The following SULT1C3 variants were observed in gnomAD, a reference collection of about 807,000 sequenced individuals.
SULT1C3 encodes sulfotransferase 1C3.
Under a neutral mutation model 28.4 loss-of-function variants are expected in SULT1C3, and 31 were observed. That is an observed-to-expected ratio of 1.09 (90% CI 0.82 to 1.47). SULT1C3 has a LOEUF of 1.47. Among genes scored for constraint, SULT1C3 ranks in the 40% most tolerant of loss-of-function variants. SULT1C3 has a pLI of 0.00. For synonymous variants in SULT1C3, 106 were observed against 92.2 expected (o/e 1.15, Z -0.86); for missense variants, 307 against 272.5 (o/e 1.13, Z -0.89).
intron 7 of SULT1C3, among the ~76,000 whole-genome samples, chr2:108,260,228 G>A (rs182482386): frequency 6.6e-6 from 1 of 152,222 alleles, no homozygotes; most frequent in Non-Finnish European, 1.5e-5. Flanking sequence ...AAGATAGGCT[G>A]TCCCCCAGGA....
chr2:108,251,562 G>A (rs552398516), intron 2 of SULT1C3, among the ~76,000 whole-genome samples: 2 of 152,056 alleles, frequency 1.3e-5, no homozygotes, highest in East Asian at 3.9e-4. Context: ...AAAAATGTTC[G>A]CTAGAACCTA....
At chr2:108,249,872 T>C (rs1032251911) in intron 2 of SULT1C3, among the ~76,000 whole-genome samples, 1 of 152,040 alleles carries the variant, frequency 6.6e-6, no homozygotes, top group African/African-American at 2.4e-5. Flanking sequence ...GTTGATATTG[T>C]TGATAGACAT....
chr2:108,253,526 T>C, intron 4 of SULT1C3, 84 bp downstream of exon 4: 1 of 675,322 alleles, frequency 1.5e-6, no homozygotes, highest in Non-Finnish European at 2.2e-6. Context: ...ATAATATACT[T>C]TGAAAAATAT....
chr2:108,254,344 A>G (rs1382071371), intron 4 of SULT1C3, among the ~76,000 whole-genome samples: 5 of 151,960 alleles, frequency 3.3e-5, no homozygotes, highest in Non-Finnish European at 7.4e-5. Context: ...CTTTACTTGC[A>G]TAATTCCTAC....
chr2:108,248,297 C>A (rs1433521376), intron 2 of SULT1C3, among the ~76,000 whole-genome samples: 1 of 152,012 alleles, frequency 6.6e-6, no homozygotes, highest in South Asian at 2.1e-4. Flanking sequence ...GCCGAAGGGA[C>A]AAGATTGGAT....
chr2:108,254,753 G>GTATGTATGCATATA (rs1558664871), intron 4 of SULT1C3, among the ~76,000 whole-genome samples: 4 of 126,456 alleles, frequency 3.2e-5, no homozygotes, highest in African/African-American at 1.3e-4. Context: ...GCATACATAT[G>GTATGTATGCATATA]TATGTATATA....
At chr2:108,265,049 G>A, downstream of SULT1C3, 1 of 1,552,274 alleles carries the variant, frequency 6.4e-7, no homozygotes, top group Non-Finnish European at 8.7e-7. Context: ...GAACTCTGTG[G>A]TCCCCATGGT....
At chr2:108,265,030 T>A, downstream of SULT1C3, 1 of 1,585,472 alleles carries the variant, frequency 6.3e-7, no homozygotes, top group Non-Finnish European at 8.6e-7. Flanking sequence ...TAGTCTAAGA[T>A]GTCAAATGGA....
chr2:108,247,422 A>G, intron 2 of SULT1C3, 56 bp downstream of exon 2: 1 of 1,394,926 alleles, frequency 7.2e-7, no homozygotes, highest in Non-Finnish European at 9.6e-7. Context: ...TTATTGCATA[A>G]TCTGTATTGA....
chr2:108,247,628 T>G (rs1225837628), intron 2 of SULT1C3, among the ~76,000 whole-genome samples: 1 of 152,156 alleles, frequency 6.6e-6, no homozygotes, highest in East Asian at 1.9e-4. Context: ...ACCCATAGCA[T>G]ACATCAAATA....
At chr2:108,251,163 G>A (rs1675717309) in intron 2 of SULT1C3, among the ~76,000 whole-genome samples, 1 of 151,970 alleles carries the variant, frequency 6.6e-6, no homozygotes, top group Admixed American at 6.6e-5. Flanking sequence ...TTAAGAGAAA[G>A]AATTTAGAGG....
intron 2 of SULT1C3, among the ~76,000 whole-genome samples, chr2:108,247,683 C>T (rs1268328304): frequency 6.6e-6 from 1 of 152,100 alleles, no homozygotes; most frequent in Non-Finnish European, 1.5e-5. Flanking sequence ...TAAACATCAA[C>T]CCTCAAGACA....
chr2:108,250,607 A>G (rs1359503484), intron 2 of SULT1C3, among the ~76,000 whole-genome samples: 1 of 151,678 alleles, frequency 6.6e-6, no homozygotes, highest in Non-Finnish European at 1.5e-5. Context: ...ACACAACACT[A>G]TAGCAGACTT....
downstream of SULT1C3, among the ~76,000 whole-genome samples, chr2:108,262,796 C>T (rs1048992730): frequency 3.3e-5 from 5 of 152,118 alleles, no homozygotes; most frequent in African/African-American, 9.7e-5. Context: ...AACTGAGGGT[C>T]GGGCTGCTAT....
At chr2:108,265,135 A>G, downstream of SULT1C3, 1 of 1,445,992 alleles carries the variant, frequency 6.9e-7, no homozygotes, top group South Asian at 1.3e-5. Context: ...AACCTTTGAG[A>G]GGCAAGTTGC....
chr2:108,250,367 T>C (rs2104386390), intron 2 of SULT1C3, among the ~76,000 whole-genome samples: 1 of 152,072 alleles, frequency 6.6e-6, no homozygotes, highest in East Asian at 1.9e-4. Flanking sequence ...TATAATGAAA[T>C]ACCACTACAC....
rs578262133 is a variant in SULT1C3 at position 108,241,323 on chromosome 2, A to C, written c.-8+1240A>C. Reference sequence around the variant, plus strand: ...TGATGCAAACAACTATATTGCCGTAAGTTAAGAGTACTCATAGATAGTCTC... The same window carrying C: ...TGATGCAAACAACTATATTGCCGTACGTTAAGAGTACTCATAGATAGTCTC... On this transcript the variant is annotated intron_variant, in intron 1 of 7. Transcript: ENST00000681802. Among the ~76,000 whole-genome samples, 180 of 152,392 alleles carry C rather than the reference A, an allele frequency of 1.2e-3. 1 individual carries two copies. The highest frequency in any genetic ancestry group is 0.012 in the Admixed American group (177 of 15,298).
At chr2:108,243,558 G>T (rs926268564) in intron 1 of SULT1C3, among the ~76,000 whole-genome samples, 12 of 151,614 alleles carry the variant, frequency 7.9e-5, no homozygotes, top group African/African-American at 2.7e-4. Flanking sequence ...GTGAACCTGG[G>T]AGGTGGAGCT....
chr2:108,253,313 A>C, intron 3 of SULT1C3, 32 bp from the exon 4 acceptor site: 1 of 1,418,012 alleles, frequency 7.1e-7, no homozygotes, highest in Non-Finnish European at 9.5e-7. Flanking sequence ...AGTGCCAAGA[A>C]TAAACAAAGA....
Sources: allele counts gnomAD v4.1 joint callset (sites outside exome capture counted in the v4.1 genomes callset), GRCh38; gene constraint gnomAD v4.1.1; transcripts MANE v1.5; gene names NCBI Gene and HGNC (gene_info 2026-07-23, HGNC 2026-07-21).